Variants in IQCM observed in about 807,000 individuals in gnomAD.
The protein encoded by IQCM is IQ domain-containing protein M.
A neutral mutation model predicts 57.6 loss-of-function variants in IQCM; 45 were observed. The ratio of observed to expected loss-of-function variants is 0.78; its 90% CI spans 0.62 to 1.00. IQCM has a LOEUF of 1.00. IQCM is among the 50% of genes least tolerant of loss of function. IQCM has a pLI of 0.00. For missense variants in IQCM, 468 were observed against 511.6 expected, an observed-to-expected ratio of 0.91 and a Z score of 0.82; for synonymous variants, 148 against 158.9, an observed-to-expected ratio of 0.93 and a Z score of 0.51.
chr4:149,633,683 T>G (rs1410712610), intron 7 of IQCM, among the ~76,000 whole-genome samples: 1 of 152,208 alleles, frequency 6.6e-6, no homozygotes, highest in Non-Finnish European at 1.5e-5. Flanking sequence ...TTACTGGTCT[T>G]ACTAACTACT....
chr4:149,763,554 GACTGTT>G (rs1435592833), intron 2 of IQCM, among the ~76,000 whole-genome samples: 2 of 152,092 alleles, frequency 1.3e-5, no homozygotes, highest in African/African-American at 4.8e-5. Flanking sequence ...CCCAGAGTAT[GACTGTT>G]ACTACGCTAA....
intron 13 of IQCM, among the ~76,000 whole-genome samples, chr4:149,357,935 T>C (rs1729129634): frequency 6.6e-6 from 1 of 152,184 alleles, no homozygotes; most frequent in Non-Finnish European, 1.5e-5. Flanking sequence ...CTGTTATTGG[T>C]CTATTCAGAA....
intron 2 of IQCM, among the ~76,000 whole-genome samples, chr4:149,742,979 A>G (rs1767597656): frequency 1.3e-5 from 2 of 152,112 alleles, no homozygotes; most frequent in Admixed American, 6.6e-5. Flanking sequence ...AGGCAACCTG[A>G]TAAGAACTAT....
intron 10 of IQCM, among the ~76,000 whole-genome samples, chr4:149,555,442 G>A (rs577769094): frequency 1.5e-4 from 23 of 152,248 alleles, no homozygotes; most frequent in Non-Finnish European, 1.5e-5. Context: ...GCTTTTAAGA[G>A]TGAAACAGTG....
chr4:149,412,346 T>C (rs1261648222), intron 13 of IQCM, among the ~76,000 whole-genome samples: 1 of 152,162 alleles, frequency 6.6e-6, no homozygotes, highest in Non-Finnish European at 1.5e-5. Flanking sequence ...TTTTTATTTT[T>C]TGACCATTAA....
Position 149,359,304 on chromosome 4 carries a change from C to T in IQCM, c.1391-7238G>A, listed in dbSNP as rs557719653. On this transcript the variant is annotated intron_variant, in intron 13 of 13. Transcript: ENST00000636793. ...AATGCAAAAGCAGTACCTATAATAC[C>T]GGTATTTTAAAGTTATACAGATAGA... Among the ~76,000 whole-genome samples the T allele has an allele frequency of 5.3e-5, 8 of 151,858 alleles. No individual in the cohort carries two copies. In the East Asian group the frequency reaches 5.8e-4, roughly 11 times the overall value.
At chr4:149,356,787 C>T (rs1221293661) in intron 13 of IQCM, among the ~76,000 whole-genome samples, 1 of 152,152 alleles carries the variant, frequency 6.6e-6, no homozygotes, top group African/African-American at 2.4e-5. Context: ...TGAAGAAAGT[C>T]ATTGGTAGCT....
chr4:149,705,614 A>G (rs776918922), intron 5 of IQCM, among the ~76,000 whole-genome samples: 1 of 151,962 alleles, frequency 6.6e-6, no homozygotes, highest in African/African-American at 2.4e-5. Flanking sequence ...ATAATTTAAC[A>G]TAAATAATGA....
intron 5 of IQCM, among the ~76,000 whole-genome samples, chr4:149,716,452 GCCC>G (rs1765006846): frequency 6.6e-6 from 1 of 152,184 alleles, no homozygotes; most frequent in Non-Finnish European, 1.5e-5. Context: ...AGCCTCCCAG[GCCC>G]CCAAGAGAGC....
chr4:149,553,889 AT>A (rs1165004314), intron 10 of IQCM, among the ~76,000 whole-genome samples: 1 of 151,996 alleles, frequency 6.6e-6, no homozygotes, highest in East Asian at 1.9e-4. Context: ...CACCAGAACA[AT>A]TTTTTTATTA....
At chr4:149,418,794 G>T (rs1188517507) in intron 13 of IQCM, among the ~76,000 whole-genome samples, 2 of 152,082 alleles carry the variant, frequency 1.3e-5, no homozygotes, top group South Asian at 2.1e-4. Flanking sequence ...CTTCAGCAAG[G>T]TCTCAGGATA....
At chr4:149,524,361 C>T (rs1373741706) in intron 12 of IQCM, among the ~76,000 whole-genome samples, 2 of 151,982 alleles carry the variant, frequency 1.3e-5, no homozygotes, top group Non-Finnish European at 2.9e-5. Context: ...TAAAATTCAT[C>T]CAGCTGTAAC....
intron 8 of IQCM, among the ~76,000 whole-genome samples, chr4:149,604,651 T>A (rs970669488): frequency 6.6e-6 from 1 of 152,220 alleles, no homozygotes; most frequent in Non-Finnish European, 1.5e-5. Flanking sequence ...TGGTGTATTT[T>A]GTTTGATGAA....
intron 12 of IQCM, among the ~76,000 whole-genome samples, chr4:149,538,744 A>T (rs1747554502): frequency 6.6e-6 from 1 of 151,966 alleles, no homozygotes; most frequent in African/African-American, 2.4e-5. Context: ...CCTTTATCTT[A>T]TTACAAGCAA....
chr4:149,455,939 C>T (rs1340005790), intron 12 of IQCM, among the ~76,000 whole-genome samples: 1 of 151,756 alleles, frequency 6.6e-6, no homozygotes, highest in East Asian at 1.9e-4. Context: ...CACACCACTG[C>T]ACTTCAGCCT....
At chr4:149,723,785 G>C (rs1484403781) in intron 5 of IQCM, among the ~76,000 whole-genome samples, 1 of 152,016 alleles carries the variant, frequency 6.6e-6, no homozygotes, top group Non-Finnish European at 1.5e-5. Context: ...TTTGGTACCA[G>C]GGTGATACTG....
intron 12 of IQCM, among the ~76,000 whole-genome samples, chr4:149,478,158 G>A (rs990795207): frequency 2.6e-5 from 4 of 152,232 alleles, no homozygotes; most frequent in Admixed American, 1.3e-4. Context: ...AGAGTGAAAA[G>A]CACATGAAAA....
chr4:149,733,338 C>G lies in IQCM; in HGVS notation c.291G>C (p.Glu97Asp). The change falls in exon 5 of 14, where the codon GAG becomes GAC. Residue 97 changes from glutamate (E) to aspartate (D), a missense_variant. Glu to Asp is a conservative substitution (Grantham distance 45). Transcript: ENST00000636793. ...ICFPKELSKS[E>D]HLQEPPQRIS... Reference sequence around the variant, plus strand: ...TTCGTTGTGGGGGTTCCTGAAGATGCTCGCTTTTGGAAAGCTCCTTGGGAA... The same window carrying G: ...TTCGTTGTGGGGGTTCCTGAAGATGGTCGCTTTTGGAAAGCTCCTTGGGAA... 1.6e-6 allele frequency: 2 copies of G among 1,231,756 alleles called. No homozygotes were observed. The highest frequency in any genetic ancestry group is 2.0e-6 in the Non-Finnish European group (2 of 987,746). The allele number at this position is 1,231,756 out of a possible 1,614,324, so 76.3% of individuals were successfully genotyped here. A position where few individuals can be genotyped will look rare whatever the true frequency, so the allele number is the denominator to read the frequency against.
At chr4:149,763,979 C>G (rs886289198) in intron 2 of IQCM, among the ~76,000 whole-genome samples, 1 of 151,592 alleles carries the variant, frequency 6.6e-6, no homozygotes, top group Middle Eastern at 3.4e-3. Context: ...TTAAAAAAAA[C>G]AAAATAAATA....
Sources: allele counts gnomAD v4.1 joint callset (sites outside exome capture counted in the v4.1 genomes callset), GRCh38; gene constraint gnomAD v4.1.1; transcripts MANE v1.5; gene names NCBI Gene and HGNC (gene_info 2026-07-23, HGNC 2026-07-21).